CLIP2: variants seen among roughly 807,000 people sequenced by gnomAD.
The protein encoded by CLIP2 is CAP-Gly domain containing linker protein 2.
Under a neutral mutation model 111.7 loss-of-function variants are expected in CLIP2, and 41 were observed. The ratio of observed to expected loss-of-function variants is 0.37; its 90% confidence interval spans 0.29 to 0.48. The LOEUF (loss-of-function observed/expected upper bound fraction) is 0.48. Ranked by LOEUF, CLIP2 falls within the 20% of genes least tolerant of loss-of-function variation. The pLI, the probability that CLIP2 is intolerant of heterozygous loss-of-function variation, is 0.99. For missense variants in CLIP2, 1,160 were observed against 1,422.1 expected, an observed-to-expected ratio of 0.82 and a Z score of 2.96; for synonymous variants, 660 against 644.2, an observed-to-expected ratio of 1.02 and a Z score of -0.37.
intron 14 of CLIP2, among the ~76,000 whole-genome samples, chr7:74,397,916 C>T (rs1791505455): frequency 6.6e-6 from 1 of 151,686 alleles, no homozygotes; most frequent in Non-Finnish European, 1.5e-5. Flanking sequence ...ATCCTCCTGC[C>T]TCGGCCTCCC....
chr7:74,358,209 C>G (rs1403666089), intron 6 of CLIP2, among the ~76,000 whole-genome samples: 1 of 151,906 alleles, frequency 6.6e-6, no homozygotes, highest in Non-Finnish European at 1.5e-5. Context: ...TGCTACCAAA[C>G]CAGGCTAATT....
At chr7:74,317,185 T>TGA (rs1183318167) in intron 1 of CLIP2, among the ~76,000 whole-genome samples, 4 of 152,144 alleles carry the variant, frequency 2.6e-5, no homozygotes, top group African/African-American at 4.8e-5. Context: ...CATGGCTAGA[T>TGA]GACGGCCTGG....
At chr7:74,359,536 T>G (rs782820887) in intron 6 of CLIP2, among the ~76,000 whole-genome samples, 1 of 151,804 alleles carries the variant, frequency 6.6e-6, no homozygotes, top group Non-Finnish European at 1.5e-5. Flanking sequence ...TTTGTATTTT[T>G]AGTAGAGATG....
At chr7:74,304,578 A>C (rs797033294) in intron 1 of CLIP2, among the ~76,000 whole-genome samples, 10 of 150,088 alleles carry the variant, frequency 6.7e-5, no homozygotes, top group African/African-American at 2.4e-4. Context: ...AAAGTTTAAG[A>C]AATCTGTTAG....
At chr7:74,331,723 G>C (rs1409133235) in intron 2 of CLIP2, among the ~76,000 whole-genome samples, 1 of 150,826 alleles carries the variant, frequency 6.6e-6, no homozygotes, top group Non-Finnish European at 1.5e-5. Context: ...TTAGATGCCT[G>C]CCACCACACC....
At chr7:74,314,094 A>G (rs1788709541) in intron 1 of CLIP2, among the ~76,000 whole-genome samples, 1 of 151,212 alleles carries the variant, frequency 6.6e-6, no homozygotes, top group African/African-American at 2.4e-5. Flanking sequence ...AGGCAGAAGA[A>G]TTGCTTGAAA....
At chr7:74,298,356 G>GTTTTTTTTTTTTTTTTTTTT in intron 1 of CLIP2, among the ~76,000 whole-genome samples, 1 of 109,624 alleles carries the variant, frequency 9.1e-6, no homozygotes. Flanking sequence ...CTGCTAATTG[G>GTTTTTTTTTTTTTTTTTTTT]TTTTTTTTTT....
chr7:74,399,819 C>T (rs950843053), intron 14 of CLIP2, among the ~76,000 whole-genome samples: 19 of 151,148 alleles, frequency 1.3e-4, no homozygotes, highest in African/African-American at 3.9e-4. Context: ...GGATTACAGG[C>T]GTGAGCCACC....
intron 11 of CLIP2, 140 bp from the exon 12 acceptor site, chr7:74,386,381 C>T (rs10156213): frequency 0.39 from 242,100 of 627,664 alleles, 48,360 homozygotes; most frequent in South Asian, 0.42. Flanking sequence ...CCCAGCGAGA[C>T]GGCTGGAGTG....
rs1323523835 is a variant in CLIP2, at chr7:74,380,855, CTG to C, written c.2474_2475del (p.Val825GlyfsTer36). 1.2e-6 allele frequency: 2 copies of C among 1,613,804 alleles called. No individual in the cohort carries two copies. Among genetic ancestry groups the C allele is most frequent in the Admixed American group, 1.7e-5 (1 of 60,006 alleles). The stretch of plus-strand genomic sequence containing the variant: ...GAGGAGACGATCAGGACGAAGGAAA[CTG>C]TGGAGGGTGAGTGGCCACCAGGCCG... On this transcript the variant is annotated frameshift_variant, in exon 11 of 17. Coordinates refer to ENST00000223398, the MANE Select transcript of CLIP2 (RefSeq NM_003388.5). LOFTEE classifies it high-confidence loss of function.
chr7:74,403,385 A>G (rs1196906425), intron 16 of CLIP2, among the ~76,000 whole-genome samples: 1 of 151,806 alleles, frequency 6.6e-6, no homozygotes, highest in East Asian at 1.9e-4. Context: ...CCTGGTCAAC[A>G]TGGTGAAACC....
At chr7:74,321,749 T>C (rs1407694231) in intron 2 of CLIP2, among the ~76,000 whole-genome samples, 1 of 151,940 alleles carries the variant, frequency 6.6e-6, no homozygotes, top group Non-Finnish European at 1.5e-5. Flanking sequence ...ATTATAGGTG[T>C]GAGCCACCGC....
At position 74,355,599 on chromosome 7, in the gene CLIP2, G is replaced by A. The variant is rs1584355063; in HGVS notation, c.804-811G>A. The stretch of plus-strand genomic sequence containing the variant: ...CACTCCAGCCTGGGTAACAGAGCCA[G>A]ACCCTGTCTCGAAAGAAAGAAAAAA... On this transcript the variant is annotated intron_variant, in intron 4 of 16. Coordinates refer to ENST00000223398, the MANE Select transcript of CLIP2 (RefSeq NM_003388.5). Among the ~76,000 whole-genome samples, 6 of 152,264 alleles carry A rather than the reference G, an allele frequency of 3.9e-5. 1 individual carries two copies. The South Asian group carries it at 1.2e-3, about 32-fold the overall frequency.
intron 1 of CLIP2, among the ~76,000 whole-genome samples, chr7:74,295,213 T>C (rs1465741076): frequency 1.3e-5 from 2 of 152,142 alleles, no homozygotes; most frequent in African/African-American, 4.8e-5. Flanking sequence ...CCTCCCACCT[T>C]GGCCTCCCAA....
At chr7:74,319,971 C>T (rs191307600) in intron 2 of CLIP2, among the ~76,000 whole-genome samples, 17 of 151,788 alleles carry the variant, frequency 1.1e-4, no homozygotes, top group African/African-American at 4.1e-4. Context: ...TTTGTAATCC[C>T]AGCTCTTTGG....
At chr7:74,304,432 C>T (rs782515389) in intron 1 of CLIP2, among the ~76,000 whole-genome samples, 4 of 146,246 alleles carry the variant, frequency 2.7e-5, no homozygotes, top group East Asian at 2.1e-4. Context: ...AGGCTGAGGC[C>T]GGAGAATGGT....
intron 1 of CLIP2, among the ~76,000 whole-genome samples, chr7:74,291,923 C>CTTTTTT (rs782577666): frequency 1.5e-5 from 2 of 132,870 alleles, no homozygotes; most frequent in East Asian, 2.2e-4. Flanking sequence ...ATCCTGCCCT[C>CTTTTTT]TTTTTTTTTT....
At chr7:74,295,414 G>A (rs782640302) in intron 1 of CLIP2, among the ~76,000 whole-genome samples, 1 of 152,186 alleles carries the variant, frequency 6.6e-6, no homozygotes, top group Non-Finnish European at 1.5e-5. Context: ...CCCACATTGA[G>A]TGTGAAGTTG....
chr7:74,293,555 G>C (rs1554725664), intron 1 of CLIP2, among the ~76,000 whole-genome samples: 1 of 152,208 alleles, frequency 6.6e-6, no homozygotes, highest in Admixed American at 6.6e-5. Context: ...TAGTGGGGGG[G>C]CAGGTCACGT....
Sources: gnomAD v4.1 joint callset for allele counts (sites outside exome capture counted in the v4.1 genomes callset) on GRCh38, gnomAD v4.1.1 for gene constraint, MANE v1.5 for transcripts, NCBI Gene and HGNC (gene_info 2026-07-23, HGNC 2026-07-21) for gene names.